NCKAP5: variants seen among roughly 807,000 people sequenced by gnomAD.
NCKAP5 encodes nck-associated protein 5.
Under a neutral mutation model 167.0 loss-of-function variants are expected in NCKAP5, and 92 were observed. That is an observed-to-expected ratio of 0.55 (90% CI 0.47 to 0.66). The LOEUF is 0.66. NCKAP5 is among the 30% of genes least tolerant of loss of function. NCKAP5 has a pLI of 0.00. For missense variants in NCKAP5, 2,378 were observed against 2,315.0 expected (o/e 1.03, Z -0.56); for synonymous variants, 891 against 877.4 (o/e 1.02, Z -0.27).
chr2:132,784,401 G>T lies in NCKAP5; in HGVS notation c.2410C>A (p.Pro804Thr), dbSNP rs1329670354. 6.2e-7 allele frequency: 1 copy of T among 1,613,496 alleles called. No homozygotes were observed. The highest frequency in any genetic ancestry group is 1.1e-5 in the South Asian group (1 of 90,990). ...IYQKQNLTKIPPRGKSSPQKS... is the reference protein window; with the variant it reads ...IYQKQNLTKITPRGKSSPQKS... ...TGAGGTGAAGACTTGCCCCTGGGAGGTATTTTTGTCAGATTTTGCTTTTGA... is the reference window on the plus strand; with the variant it reads ...TGAGGTGAAGACTTGCCCCTGGGAGTTATTTTTGTCAGATTTTGCTTTTGA... Residue 804 changes from proline (P) to threonine (T), a missense_variant, in exon 14 of 20, where the codon CCT (proline) becomes ACT (threonine). Pro to Thr is a conservative substitution (Grantham distance 38, BLOSUM62 -1). Transcript: ENST00000409261.
At chr2:133,481,858 G>A (rs541474253) in intron 3 of NCKAP5, among the ~76,000 whole-genome samples, 17 of 152,076 alleles carry the variant, frequency 1.1e-4, no homozygotes, top group African/African-American at 3.4e-4. Flanking sequence ...GGTTGATTCC[G>A]TGTCTTTGCT....
intron 3 of NCKAP5, among the ~76,000 whole-genome samples, chr2:133,438,392 T>C (rs1264139975): frequency 6.6e-6 from 1 of 152,210 alleles, no homozygotes; most frequent in East Asian, 1.9e-4. Context: ...AAGCTTTGCA[T>C]AAATAAATTC....
chr2:133,004,423 A>T (rs1232898394), intron 6 of NCKAP5, among the ~76,000 whole-genome samples: 2 of 152,146 alleles, frequency 1.3e-5, no homozygotes, highest in African/African-American at 4.8e-5. Context: ...GTACAAAGAG[A>T]GAAATTTTAC....
chr2:133,559,528 G>A (rs1482390077), intron 1 of NCKAP5, among the ~76,000 whole-genome samples: 1 of 152,026 alleles, frequency 6.6e-6, no homozygotes, highest in African/African-American at 2.4e-5. Flanking sequence ...TTGTTATGTT[G>A]GCCAGGCTGG....
At chr2:133,045,082 A>G (rs1297248249) in intron 6 of NCKAP5, among the ~76,000 whole-genome samples, 2 of 151,982 alleles carry the variant, frequency 1.3e-5, no homozygotes, top group Non-Finnish European at 2.9e-5. Flanking sequence ...AAGAAAAGAA[A>G]AAAAAAGAGG....
At chr2:133,154,069 T>C (rs368557392) in intron 5 of NCKAP5, among the ~76,000 whole-genome samples, 2 of 152,092 alleles carry the variant, frequency 1.3e-5, no homozygotes, top group African/African-American at 4.8e-5. Context: ...CTCGAACTCC[T>C]GGCCTCAGGT....
intron 6 of NCKAP5, among the ~76,000 whole-genome samples, chr2:133,082,465 A>C (rs76180361): frequency 2.2e-4 from 33 of 152,246 alleles, no homozygotes; most frequent in East Asian, 1.7e-3. Flanking sequence ...CACTAAAAGA[A>C]GCTTTACAGG....
the NCKAP5 span, among the ~76,000 whole-genome samples, chr2:133,618,044 G>C: frequency 6.6e-6 from 1 of 151,360 alleles, no homozygotes; most frequent in Non-Finnish European, 1.5e-5. Context: ...AGAAAAACAA[G>C]CAATGGGGAA....
At chr2:133,656,680 A>G in the NCKAP5 span, among the ~76,000 whole-genome samples, 2 of 152,244 alleles carry the variant, frequency 1.3e-5, no homozygotes, top group African/African-American at 2.4e-5. Flanking sequence ...ATTATCAGCC[A>G]ACAATCTAAT....
the NCKAP5 span, among the ~76,000 whole-genome samples, chr2:133,584,941 A>AGGAAG: frequency 8.8e-6 from 1 of 113,812 alleles, no homozygotes; most frequent in Admixed American, 1.0e-4. Flanking sequence ...AAAAAAAGAA[A>AGGAAG]GAAGGAAGGA....
At chr2:132,750,384 T>C (rs1680012886) in intron 16 of NCKAP5, among the ~76,000 whole-genome samples, 3 of 152,314 alleles carry the variant, frequency 2.0e-5, no homozygotes, top group South Asian at 4.1e-4. Context: ...GGCCTTCCAA[T>C]AGAATGAGAT....
intron 4 of NCKAP5, among the ~76,000 whole-genome samples, chr2:133,231,786 T>C (rs2087161011): frequency 6.6e-6 from 1 of 152,198 alleles, no homozygotes; most frequent in African/African-American, 2.4e-5. Context: ...TCATGATCTC[T>C]AAATTTGCTT....
At chr2:133,496,224 T>G (rs1681937668) in intron 3 of NCKAP5, among the ~76,000 whole-genome samples, 1 of 152,194 alleles carries the variant, frequency 6.6e-6, no homozygotes, top group South Asian at 2.1e-4. Flanking sequence ...CCTAAGAAAC[T>G]GTTAACCCTG....
rs1045210466 is a variant in NCKAP5 at position 133,116,202 on chromosome 2, T to C, written c.341+13776A>G. On this transcript the variant is annotated intron_variant, in intron 6 of 19. Transcript: ENST00000409261. ...GTAACTTACGCAAAATAAGAAAAAT[T>C]TGTGGCCGGGCGCGGTGGCTCACGC... is the stretch of plus-strand genomic sequence containing the variant. Among the ~76,000 whole-genome samples the C allele has an allele frequency of 5.1e-5, 7 of 138,242 alleles. 1 individual carries two copies. The highest frequency in any genetic ancestry group is 2.9e-4 in the Admixed American group (4 of 13,810). 90.7% of individuals were successfully genotyped at this position (138,242 alleles called of 152,430 possible).
At chr2:133,405,876 A>T (rs1437701131) in intron 3 of NCKAP5, among the ~76,000 whole-genome samples, 1 of 152,230 alleles carries the variant, frequency 6.6e-6, no homozygotes, top group East Asian at 1.9e-4. Context: ...TGCCGTAGGC[A>T]CTCAATACAT....
At chr2:133,557,751 G>A (rs1340412556) in intron 2 of NCKAP5, among the ~76,000 whole-genome samples, 1 of 152,240 alleles carries the variant, frequency 6.6e-6, no homozygotes, top group Non-Finnish European at 1.5e-5. Flanking sequence ...CATCTGTTGT[G>A]AGGACACACA....
intron 7 of NCKAP5, among the ~76,000 whole-genome samples, chr2:132,964,606 T>TA (rs564875947): frequency 1.2e-4 from 18 of 148,048 alleles, no homozygotes; most frequent in South Asian, 8.6e-4. Context: ...ATTACCATAT[T>TA]AAAAAAAAAA....
At chr2:133,258,457 AGTGGCTGGGCATG>A (rs1266585077) in intron 4 of NCKAP5, among the ~76,000 whole-genome samples, 1 of 152,210 alleles carries the variant, frequency 6.6e-6, no homozygotes, top group Non-Finnish European at 1.5e-5. Flanking sequence ...GAATAAATTC[AGTGGCTGGGCATG>A]GTGGCTCACA....
intron 5 of NCKAP5, among the ~76,000 whole-genome samples, chr2:133,132,286 C>CAAA (rs67605472): frequency 2.2e-4 from 29 of 131,280 alleles, no homozygotes; most frequent in East Asian, 1.1e-3. Context: ...GACTCCATCT[C>CAAA]AAAAAAAAAA....
Sources: gnomAD v4.1 joint callset for allele counts (sites outside exome capture counted in the v4.1 genomes callset) on GRCh38, gnomAD v4.1.1 for gene constraint, MANE v1.5 for transcripts, NCBI Gene and HGNC (gene_info 2026-07-23, HGNC 2026-07-21) for gene names.